The following DTNA variants were observed in gnomAD, a reference collection of about 807,000 sequenced individuals.
DTNA encodes dystrophin-related protein 3.
DTNA carries 43 observed loss-of-function variants against 100.7 expected under a neutral mutation model. That is an observed-to-expected ratio of 0.43 (90% CI 0.33 to 0.55). DTNA has a LOEUF of 0.55. Among genes scored for constraint, DTNA ranks in the 20% least tolerant of loss-of-function variants. The pLI is 0.04. For missense variants in DTNA, 798 were observed against 953.9 expected (o/e 0.84, Z 2.15); for synonymous variants, 349 against 347.9 (o/e 1.00, Z -0.04).
chr18:34,716,417 G>T (rs2084085537), intron 1 of DTNA, among the ~76,000 whole-genome samples: 1 of 152,090 alleles, frequency 6.6e-6, no homozygotes, highest in Admixed American at 6.6e-5. Flanking sequence ...CAAAAAATTA[G>T]CTGGGCGTGG....
At chr18:34,826,612 G>A (rs890392680) in intron 9 of DTNA, among the ~76,000 whole-genome samples, 1 of 152,106 alleles carries the variant, frequency 6.6e-6, no homozygotes, top group African/African-American at 2.4e-5. Context: ...TATAATTAAT[G>A]TCTCATCTTC....
intron 1 of DTNA, among the ~76,000 whole-genome samples, chr18:34,565,350 TAGAC>T (rs1157335136): frequency 1.3e-5 from 2 of 152,206 alleles, no homozygotes; most frequent in African/African-American, 2.4e-5. Flanking sequence ...AGAGGAATAA[TAGAC>T]AGTTAAGAAT....
At chr18:34,633,951 C>T (rs553797951) in intron 1 of DTNA, among the ~76,000 whole-genome samples, 8 of 152,242 alleles carry the variant, frequency 5.3e-5, no homozygotes, top group African/African-American at 1.7e-4. Context: ...ATCTACAGTA[C>T]GTTTTGCAGC....
intron 2 of DTNA, among the ~76,000 whole-genome samples, chr18:34,761,703 A>G (rs2093181873): frequency 1.3e-5 from 2 of 152,252 alleles, no homozygotes; most frequent in Admixed American, 6.5e-5. Flanking sequence ...AAGTTGCCTT[A>G]AATAAATTTG....
chr18:34,792,192 GT>G (rs2094777378), intron 3 of DTNA, among the ~76,000 whole-genome samples: 5 of 150,056 alleles, frequency 3.3e-5, no homozygotes, highest in African/African-American at 1.2e-4. Context: ...TTAGGTTTTT[GT>G]TTTTCTTTAT....
At chr18:34,695,796 G>A (rs2080450266) in intron 1 of DTNA, among the ~76,000 whole-genome samples, 1 of 152,184 alleles carries the variant, frequency 6.6e-6, no homozygotes, top group Admixed American at 6.5e-5. Context: ...ACAGAATAAA[G>A]TGTTTGCAAG....
intron 1 of DTNA, among the ~76,000 whole-genome samples, chr18:34,523,227 A>G (rs1219863839): frequency 6.6e-6 from 1 of 152,188 alleles, no homozygotes; most frequent in Admixed American, 6.5e-5. Context: ...TGAAAATATT[A>G]TTAGAATTTT....
In DTNA at chr18:34,660,494, C is replaced by T. The variant is rs994223979; in HGVS notation, c.-1-95482C>T. On this transcript the variant is annotated intron_variant, in intron 1 of 19. Transcript: ENST00000283365. ...ATTTCTTTGACATATTTTGAAATAG[C>T]CCTGCAAAGCTATTGCTTGTGGGGA... Among the ~76,000 whole-genome samples the T allele has an allele frequency of 9.9e-5, 15 of 152,062 alleles. No individual in the cohort carries two copies. The Middle Eastern group carries it at 0.01, about 103-fold the overall frequency.
At chr18:34,871,160 C>T (rs1210763779) in intron 17 of DTNA, among the ~76,000 whole-genome samples, 1 of 152,198 alleles carries the variant, frequency 6.6e-6, no homozygotes, top group Admixed American at 6.5e-5. Flanking sequence ...TAATTCTCTG[C>T]TGTTTCACCA....
At chr18:34,572,538 C>A (rs556988333) in intron 1 of DTNA, among the ~76,000 whole-genome samples, 1 of 152,194 alleles carries the variant, frequency 6.6e-6, no homozygotes, top group East Asian at 1.9e-4. Context: ...CACTGTAAGG[C>A]ACAGCAGAGG....
intron 1 of DTNA, among the ~76,000 whole-genome samples, chr18:34,633,228 G>A (rs897501726): frequency 5.9e-5 from 9 of 152,092 alleles, no homozygotes; most frequent in African/African-American, 1.4e-4. Flanking sequence ...CAATGCTAGA[G>A]AGGTCTGGTG....
At chr18:34,541,607 T>G (rs1006408019) in intron 1 of DTNA, among the ~76,000 whole-genome samples, 1 of 152,080 alleles carries the variant, frequency 6.6e-6, no homozygotes, top group African/African-American at 2.4e-5. Flanking sequence ...GTGAGTCAAT[T>G]AAACCACTTT....
chr18:34,784,551 T>G (rs532821576), intron 3 of DTNA, among the ~76,000 whole-genome samples: 1 of 152,322 alleles, frequency 6.6e-6, no homozygotes, highest in South Asian at 2.1e-4. Context: ...TTTACATAGT[T>G]TCCAGCCCAT....
At chr18:34,574,429 G>C (rs1344797727) in intron 1 of DTNA, 1 of 153,902 alleles carries the variant, frequency 6.5e-6, no homozygotes, top group African/African-American at 2.4e-5. Context: ...GATACACACA[G>C]AGGAGTGGAA....
At chr18:34,567,167 C>T (rs925551290) in intron 1 of DTNA, among the ~76,000 whole-genome samples, 6 of 152,126 alleles carry the variant, frequency 3.9e-5, no homozygotes, top group Admixed American at 2.0e-4. Flanking sequence ...AGCGTGCTTG[C>T]GTCAACTAAC....
At chr18:34,696,877 T>C (rs572641289) in intron 1 of DTNA, among the ~76,000 whole-genome samples, 1 of 152,330 alleles carries the variant, frequency 6.6e-6, no homozygotes, top group East Asian at 1.9e-4. Context: ...TTCAGAGGCC[T>C]GCCCACTTTA....
intron 4 of DTNA, among the ~76,000 whole-genome samples, chr18:34,795,831 T>A (rs182086055): frequency 6.6e-6 from 1 of 152,338 alleles, no homozygotes; most frequent in East Asian, 1.9e-4. Flanking sequence ...GTGAGATATA[T>A]AGGATTCACA....
chr18:34,590,823 A>G (rs1257180042), intron 1 of DTNA, among the ~76,000 whole-genome samples: 2 of 152,232 alleles, frequency 1.3e-5, no homozygotes, highest in Non-Finnish European at 2.9e-5. Flanking sequence ...AGTTCTAGCC[A>G]TTATAAATCT....
chr18:34,514,339 C>A (rs141290390), intron 1 of DTNA, among the ~76,000 whole-genome samples: 2 of 152,228 alleles, frequency 1.3e-5, no homozygotes, highest in African/African-American at 4.8e-5. Context: ...CTGGGCTTCA[C>A]TGCCAGAATT....
Sources: gnomAD v4.1 joint callset for allele counts (sites outside exome capture counted in the v4.1 genomes callset) on GRCh38, gnomAD v4.1.1 for gene constraint, MANE v1.5 for transcripts, NCBI Gene and HGNC (gene_info 2026-07-23, HGNC 2026-07-21) for gene names.